EXTL1: variants seen among roughly 807,000 people sequenced by gnomAD.
The protein encoded by EXTL1 is exostosin like glycosyltransferase 1.
EXTL1 carries 43 observed loss-of-function variants against 64.6 expected under a neutral mutation model. The observed-to-expected ratio is 0.67, with a 90% CI of 0.52 to 0.86. EXTL1 has a LOEUF of 0.86. EXTL1 is among the 40% of genes least tolerant of loss of function. The pLI, the probability that EXTL1 is intolerant of heterozygous loss-of-function variation, is 0.00. For missense variants in EXTL1, 766 were observed against 879.0 expected (o/e 0.87, Z 1.62); for synonymous variants, 352 against 360.5 (o/e 0.98, Z 0.27).
In EXTL1 at chr1:26,032,469, T is replaced by C. The variant is rs1229275559; in HGVS notation, c.1415T>C (p.Ile472Thr). 3.9e-6 allele frequency: 6 copies of C among 1,551,868 alleles called. No homozygotes were observed. The highest frequency in any genetic ancestry group is 2.4e-5 in the East Asian group (1 of 40,984). Residue 472 changes from isoleucine to threonine, a missense_variant, in exon 7 of 11, where the codon ATT becomes ACT. This residue lies in a region of EXTL1 where 571 missense variants were observed against 647.6 expected (regional missense o/e 0.88). Transcript: ENST00000374280. The part of the protein sequence containing the change: ...WPETAVPLTV[I>T]DGHRKVSDRF... ...GAGACAGCTGTGCCCTTGACAGTCA[T>C]TGATGGGCACAGGAAGGTAAGGGAT...
chr1:26,026,774 C>T (rs929179862), intron 1 of EXTL1, among the ~76,000 whole-genome samples: 14 of 152,282 alleles, frequency 9.2e-5, no homozygotes, highest in East Asian at 1.9e-4. Flanking sequence ...GGCACAGCCA[C>T]GCTGACCACC....
At chr1:26,030,248 T>C (rs1325777726) in intron 3 of EXTL1, among the ~76,000 whole-genome samples, 1 of 151,886 alleles carries the variant, frequency 6.6e-6, no homozygotes, top group Non-Finnish European at 1.5e-5. Context: ...AATGAGCAAA[T>C]ACTCAGGTTA....
In EXTL1 at chr1:26,030,384, G is replaced by A. The variant is rs189862048; in HGVS notation, c.982-92G>A. ...ATCTTGCTCTGTTGCTCAGGCTGGA[G>A]TGCAGTGGCACGAATATGGCTCACT... On this transcript the variant is annotated intron_variant, in intron 3 of 10. Transcript: ENST00000374280. 13 of 907,774 alleles carry A rather than the reference G, an allele frequency of 1.4e-5. No homozygotes were observed. The African/African-American group carries it at 2.2e-4, about 15-fold the overall frequency. 56.2% of individuals were successfully genotyped at this position (907,774 alleles called of 1,614,324 possible). A position where few individuals can be genotyped will look rare whatever the true frequency, so the allele number is the denominator to read the frequency against.
At position 26,032,311 on chromosome 1, in the gene EXTL1, C is replaced by T. The variant is rs923235522; in HGVS notation, c.1342-85C>T. 4.7e-6 allele frequency: 4 copies of T among 857,306 alleles called. No homozygotes were observed. The African/African-American group carries it at 5.1e-5, about 11-fold the overall frequency. 53.1% of individuals were successfully genotyped at this position (857,306 alleles called of 1,614,324 possible). On this transcript the variant is annotated intron_variant, in intron 6 of 10. Coordinates refer to ENST00000374280, the MANE Select transcript of EXTL1 (RefSeq NM_004455.3). ...CAAAGCTGACTTCTCAAACTTCTTC[C>T]ACCTTGAGAAAGATCACTCCTGCCC...
intron 1 of EXTL1, among the ~76,000 whole-genome samples, chr1:26,024,981 C>T (rs11582191): frequency 0.14 from 21,468 of 152,208 alleles, 1,943 homozygotes; most frequent in Non-Finnish European, 0.21. Flanking sequence ...GAGCCGGCCA[C>T]GGTTTTCTAA....
rs376211390 is a variant in EXTL1, at chr1:26,035,316, G to T, written c.2000G>T (p.Arg667Leu). Residue 667 changes from arginine to leucine, a missense_variant, in exon 11 of 11, where the codon CGC becomes CTC. Transcript: ENST00000374280. The surrounding 1 kb of genome is among the most constrained non-coding windows in gnomAD (Gnocchi z 5.3). ...TTTAAGGACCCGGTGTCCGTGCAGC[G>T]CAAGAAGTACCGCAGCCTGGAGAAG... Reference protein sequence around the residue: ...VLFKDPVSVQRKKYRSLEKP With the variant: ...VLFKDPVSVQLKKYRSLEKP The T allele has an allele frequency of 1.2e-5, 19 of 1,611,922 alleles. No homozygotes were observed. The highest frequency in any genetic ancestry group is 4.5e-5 in the East Asian group (2 of 44,842).
chr1:26,026,442 C>T (rs2050217530), intron 1 of EXTL1, among the ~76,000 whole-genome samples: 1 of 151,702 alleles, frequency 6.6e-6, no homozygotes, highest in Non-Finnish European at 1.5e-5. Flanking sequence ...TACAGGCACG[C>T]ACCACTACAC....
chr1:26,031,462 T>A lies in EXTL1; in HGVS notation c.1237T>A (p.Ser413Thr). The A allele has an allele frequency of 6.4e-7, 1 of 1,558,548 alleles. No homozygotes were observed. The highest frequency in any genetic ancestry group is 8.7e-7 in the Non-Finnish European group (1 of 1,147,108). ...TAGCCTGTGTCTCATTCCCCCAGGCTCCCGCCCTGAGGGCAGATTCAGCGC... is the reference window on the plus strand; with the variant it reads ...TAGCCTGTGTCTCATTCCCCCAGGCACCCGCCCTGAGGGCAGATTCAGCGC... Reference protein sequence around the residue: ...DFPFYYLQQGSRPEGRFSALI... With the variant: ...DFPFYYLQQGTRPEGRFSALI... Residue 413 changes from serine (S) to threonine (T), a missense_variant and splice_region_variant, in exon 6 of 11, where the codon TCC becomes ACC. Transcript: ENST00000374280.
At position 26,022,688 on chromosome 1, in the gene EXTL1, G is replaced by T. The variant is rs1383371800; in HGVS notation, c.42G>T (p.Leu14=). 1 of 1,612,132 alleles carries T rather than the reference G, an allele frequency of 6.2e-7. No individual in the cohort carries two copies. The highest frequency in any genetic ancestry group is 8.5e-7 in the Non-Finnish European group (1 of 1,179,032). ...GAAGAAAGTCCCTGTGGCTGGCACTGTCAGCCTCCTGGCTCCTGCTTGTCC... is the reference window on the plus strand; with the variant it reads ...GAAGAAAGTCCCTGTGGCTGGCACTTTCAGCCTCCTGGCTCCTGCTTGTCC... The part of the protein sequence containing the change: ...WRRRKSLWLA[L]SASWLLLVLL... The change falls in exon 1 of 11, where the codon CTG becomes CTT. Residue 14 remains leucine (L), a synonymous_variant. Transcript: ENST00000374280.
At position 26,032,286 on chromosome 1, in the gene EXTL1, C is replaced by T. The variant is rs2050295615; in HGVS notation, c.1342-110C>T. Reference sequence around the variant, plus strand: ...TAACCCTTCTCCCATGTGCAGTTTACAAAGCTGACTTCTCAAACTTCTTCC... The same window carrying T: ...TAACCCTTCTCCCATGTGCAGTTTATAAAGCTGACTTCTCAAACTTCTTCC... On this transcript the variant is annotated intron_variant, in intron 6 of 10. Transcript: ENST00000374280. 4.1e-5 allele frequency: 29 copies of T among 706,714 alleles called. No homozygotes were observed. In the South Asian group the frequency reaches 4.3e-4, roughly 10 times the overall value. 43.8% of individuals were successfully genotyped at this position (706,714 alleles called of 1,614,324 possible).
rs767536705 is a variant in EXTL1 at position 26,031,153 on chromosome 1, G to A, written c.1123G>A (p.Gly375Arg). The change falls in exon 5 of 11, where the codon GGA becomes AGA. Residue 375 changes from glycine to arginine, a missense_variant. Transcript: ENST00000374280. ...TTAGGTTATTCAGGACCGGATTTTTGGAACATCAGCTCACCCCTCACTGCT... is the reference window on the plus strand; with the variant it reads ...TTAGGTTATTCAGGACCGGATTTTTAGAACATCAGCTCACCCCTCACTGCT... ...TLEVIQDRIF[G>R]TSAHPSLLWN... The A allele has an allele frequency of 2.5e-6, 4 of 1,613,978 alleles. No individual in the cohort carries two copies. The highest frequency in any genetic ancestry group is 2.5e-6 in the Non-Finnish European group (3 of 1,179,962).
At position 26,033,555 on chromosome 1, in the gene EXTL1, C is replaced by A. The variant is rs933561230; in HGVS notation, c.1519-141C>A. On this transcript the variant is annotated intron_variant, in intron 8 of 10. Coordinates refer to ENST00000374280, the MANE Select transcript of EXTL1 (RefSeq NM_004455.3). The surrounding 1 kb of genome is among the most constrained non-coding windows in gnomAD (Gnocchi z 5.1). ...GAAGCTTTCATGCCACACTTCCAGCCAATTCCAAGTCTTGGCTCCCGCGCC... is the reference window on the plus strand; with the variant it reads ...GAAGCTTTCATGCCACACTTCCAGCAAATTCCAAGTCTTGGCTCCCGCGCC... 3.5e-6 allele frequency: 3 copies of A among 869,122 alleles called. No individual in the cohort carries two copies. The highest frequency in any genetic ancestry group is 3.4e-5 in the African/African-American group (2 of 59,346). 53.8% of individuals were successfully genotyped at this position (869,122 alleles called of 1,614,324 possible). A position where few individuals can be genotyped will look rare whatever the true frequency, so the allele number is the denominator to read the frequency against.
chr1:26,026,819 C>T (rs973445184), intron 1 of EXTL1, among the ~76,000 whole-genome samples: 15 of 152,160 alleles, frequency 9.9e-5, no homozygotes, highest in Non-Finnish European at 1.8e-4. Context: ...ATGGCAGGTA[C>T]CTTACATGGT....
chr1:26,035,589 T>C lies in EXTL1; in HGVS notation c.*242T>C. 1 of 443,454 alleles carries C rather than the reference T, an allele frequency of 2.3e-6. No homozygotes were observed. Among genetic ancestry groups the C allele is most frequent in the Non-Finnish European group, 4.0e-6 (1 of 248,832 alleles). The allele number at this position is 443,454 out of a possible 1,614,324, so 27.5% of individuals were successfully genotyped here. A position where few individuals can be genotyped will look rare whatever the true frequency, so the allele number is the denominator to read the frequency against. Reference sequence around the variant, plus strand: ...CGCGACCGGAGCGCCGCTCTCCGCTTCTCCACCCAGCTAACTTCTGCTCGT... The same window carrying C: ...CGCGACCGGAGCGCCGCTCTCCGCTCCTCCACCCAGCTAACTTCTGCTCGT... On this transcript the variant is annotated 3_prime_UTR_variant, in exon 11 of 11. Transcript: ENST00000374280. This position sits in a 1 kb window ranked among gnomAD's most constrained non-coding sequence, Gnocchi z 5.3.
intron 7 of EXTL1, 110 bp downstream of exon 7, chr1:26,032,595 A>C: frequency 1.4e-6 from 1 of 709,708 alleles, no homozygotes; most frequent in South Asian, 1.8e-5. Context: ...TTGGGCCTGA[A>C]GAATGACACA....
intron 7 of EXTL1, among the ~76,000 whole-genome samples, chr1:26,032,840 C>T (rs1220896209): frequency 1.3e-5 from 2 of 152,168 alleles, no homozygotes; most frequent in East Asian, 1.9e-4. Flanking sequence ...AACCACCTGC[C>T]TGCCGCATGG....
At chr1:26,032,293 G>T in intron 6 of EXTL1, 103 bp from the exon 7 acceptor site, 6 of 734,804 alleles carry the variant, frequency 8.2e-6, no homozygotes, top group South Asian at 1.7e-5. Flanking sequence ...TTACAAAGCT[G>T]ACTTCTCAAA....
At chr1:26,032,347 GCCTTCTGCCCCA>G in intron 6 of EXTL1, 37 bp from the exon 7 acceptor site, 1 of 1,356,066 alleles carries the variant, frequency 7.4e-7, no homozygotes. Context: ...CTCGCAACCC[GCCTTCTGCCCCA>G]GATCCCAGAC....
rs1021115528 is a variant in EXTL1 at position 26,033,173 on chromosome 1, G to A, written c.1432-56G>A. ...GTGCCTGAATGGCTCCTACTTATTG[G>A]ATGGGGGTGGGGGGAATGTTCCAAT... On this transcript the variant is annotated intron_variant, in intron 7 of 10. Coordinates refer to ENST00000374280, the MANE Select transcript of EXTL1 (RefSeq NM_004455.3). This position sits in a 1 kb window ranked among gnomAD's most constrained non-coding sequence, Gnocchi z 5.1. 1.7e-5 allele frequency: 21 copies of A among 1,265,356 alleles called. No individual in the cohort carries two copies. The highest frequency in any genetic ancestry group is 2.1e-5 in the Non-Finnish European group (18 of 863,654). 78.4% of individuals were successfully genotyped at this position (1,265,356 alleles called of 1,614,324 possible).
Sources: allele counts gnomAD v4.1 joint callset (sites outside exome capture counted in the v4.1 genomes callset), GRCh38; gene constraint gnomAD v4.1.1; regional missense constraint gnomAD v4.1.1; non-coding constraint Gnocchi (gnomAD v3.1); transcripts MANE v1.5; gene names NCBI Gene and HGNC (gene_info 2026-07-23, HGNC 2026-07-21).